Variants in TMCC1 observed in about 807,000 individuals in gnomAD.
TMCC1 encodes transmembrane and coiled-coil domains protein 1.
Under a neutral mutation model 52.4 loss-of-function variants are expected in TMCC1, and 15 were observed. That is an observed-to-expected ratio of 0.29 (90% CI 0.19 to 0.44). The LOEUF is 0.44. TMCC1 is among the 20% of genes least tolerant of loss of function. The probability of loss-of-function intolerance (pLI) is 1.00; values close to 1 mark genes in which losing one functional copy is unlikely to be tolerated. For missense variants in TMCC1, 503 were observed against 806.0 expected (o/e 0.62, Z 4.55); for synonymous variants, 279 against 301.9 (o/e 0.92, Z 0.79).
At chr3:129,789,305 T>C (rs1261602428) in intron 4 of TMCC1, among the ~76,000 whole-genome samples, 1 of 152,194 alleles carries the variant, frequency 6.6e-6, no homozygotes, top group East Asian at 1.9e-4. Context: ...CTAATTAACC[T>C]ACTCAAGATG....
At chr3:129,727,290 G>C (rs1180438774) in intron 4 of TMCC1, among the ~76,000 whole-genome samples, 2 of 152,088 alleles carry the variant, frequency 1.3e-5, no homozygotes, top group Non-Finnish European at 2.9e-5. Context: ...CTGTTTGACT[G>C]CATGATCAAT....
intron 4 of TMCC1, among the ~76,000 whole-genome samples, chr3:129,697,328 C>G (rs2047487251): frequency 6.6e-6 from 1 of 152,184 alleles, no homozygotes. Context: ...AAGCCATGGC[C>G]TGAACTGTAT....
intron 4 of TMCC1, among the ~76,000 whole-genome samples, chr3:129,782,221 A>C (rs2055592455): frequency 6.6e-6 from 1 of 152,188 alleles, no homozygotes. Context: ...GGTATTTAAC[A>C]CCAACAGACT....
intron 4 of TMCC1, among the ~76,000 whole-genome samples, chr3:129,722,493 T>G (rs926742000): frequency 1.3e-5 from 2 of 152,016 alleles, no homozygotes; most frequent in Non-Finnish European, 2.9e-5. Context: ...TAATCTACAC[T>G]CACTCACTCA....
intron 2 of TMCC1, among the ~76,000 whole-genome samples, chr3:129,833,100 A>G (rs2058994604): frequency 2.0e-5 from 3 of 152,238 alleles, no homozygotes; most frequent in Admixed American, 2.0e-4. Flanking sequence ...AAATATTTTA[A>G]GAAGCAATAA....
intron 4 of TMCC1, among the ~76,000 whole-genome samples, chr3:129,712,510 C>T (rs2048774734): frequency 2.6e-5 from 4 of 152,160 alleles, no homozygotes; most frequent in Admixed American, 2.6e-4. Flanking sequence ...TGCAGTGGCA[C>T]AATCACCACT....
At chr3:129,755,072 T>C (rs1463477105) in intron 4 of TMCC1, among the ~76,000 whole-genome samples, 3 of 151,992 alleles carry the variant, frequency 2.0e-5, no homozygotes, top group Admixed American at 2.0e-4. Flanking sequence ...AGTGAGACTC[T>C]GTCTAAAAAA....
At chr3:129,747,488 T>G (rs1238395066) in intron 4 of TMCC1, among the ~76,000 whole-genome samples, 1 of 152,356 alleles carries the variant, frequency 6.6e-6, no homozygotes, top group Admixed American at 6.5e-5. Flanking sequence ...ATTTTAAAAT[T>G]GAAACAACCA....
chr3:129,748,678 C>T (rs1028673228), intron 4 of TMCC1, among the ~76,000 whole-genome samples: 1 of 152,126 alleles, frequency 6.6e-6, no homozygotes, highest in African/African-American at 2.4e-5. Flanking sequence ...GTAGCTACTA[C>T]ATACCCAAGA....
At chr3:129,870,500 G>A (rs2060859295) in intron 2 of TMCC1, among the ~76,000 whole-genome samples, 1 of 151,760 alleles carries the variant, frequency 6.6e-6, no homozygotes, top group East Asian at 1.9e-4. Context: ...AGCACTTTGG[G>A]AGGCCGAGGC....
At chr3:129,661,783 C>A (rs2087046569) in intron 5 of TMCC1, among the ~76,000 whole-genome samples, 1 of 151,984 alleles carries the variant, frequency 6.6e-6, no homozygotes, top group South Asian at 2.1e-4. Flanking sequence ...GCCTGGGTGA[C>A]AGAGTAAGAC....
intron 4 of TMCC1, among the ~76,000 whole-genome samples, chr3:129,700,529 T>G (rs1282296521): frequency 6.6e-6 from 1 of 152,046 alleles, no homozygotes; most frequent in Non-Finnish European, 1.5e-5. Context: ...CAGGCTGGAG[T>G]GCAATGGTGC....
intron 2 of TMCC1, among the ~76,000 whole-genome samples, chr3:129,874,161 C>T (rs2061071521): frequency 6.6e-6 from 1 of 152,182 alleles, no homozygotes; most frequent in South Asian, 2.1e-4. Flanking sequence ...ATGGTTTCAA[C>T]ATCTGCATAT....
intron 1 of TMCC1, among the ~76,000 whole-genome samples, chr3:129,892,116 A>C (rs942275513): frequency 1.3e-5 from 2 of 152,152 alleles, no homozygotes; most frequent in Non-Finnish European, 2.9e-5. Flanking sequence ...ACCATACCAA[A>C]TCTTAATCAA....
chr3:129,794,081 C>T (rs2056651800), intron 4 of TMCC1, among the ~76,000 whole-genome samples: 1 of 152,220 alleles, frequency 6.6e-6, no homozygotes, highest in African/African-American at 2.4e-5. Context: ...GAGCAAACTA[C>T]AACTTTGCCC....
chr3:129,872,849 T>A (rs539226169), intron 2 of TMCC1, among the ~76,000 whole-genome samples: 88 of 152,286 alleles, frequency 5.8e-4, no homozygotes, highest in African/African-American at 4.8e-4. Context: ...TGGGGTTTTT[T>A]AAATTATTAC....
chr3:129,828,735 T>G lies in TMCC1; in HGVS notation c.-130-227A>C, dbSNP rs1046495773. ...AGCCCAGAACAAGTCCATAGGAAATTAAAACAGCAATGTTCAAAAGCAAAA... is the reference window on the plus strand; with the variant it reads ...AGCCCAGAACAAGTCCATAGGAAATGAAAACAGCAATGTTCAAAAGCAAAA... On this transcript the variant is annotated intron_variant, in intron 3 of 6. Transcript: ENST00000393238. This position sits in a 1 kb window ranked among gnomAD's most constrained non-coding sequence, Gnocchi z 4.1. 3.3e-5 allele frequency among the ~76,000 whole-genome samples: 5 copies of G among 152,144 alleles called. No homozygotes were observed. The highest frequency in any genetic ancestry group is 9.7e-5 in the African/African-American group (4 of 41,450).
chr3:129,688,551 A>G, intron 4 of TMCC1: 3 of 985,516 alleles, frequency 3.0e-6, no homozygotes, highest in South Asian at 4.7e-5. Flanking sequence ...CGCATAGCCA[A>G]TCCTCCGCAG....
intron 4 of TMCC1, among the ~76,000 whole-genome samples, chr3:129,799,024 T>G (rs547712598): frequency 6.6e-6 from 1 of 152,314 alleles, no homozygotes; most frequent in Non-Finnish European, 1.5e-5. Flanking sequence ...CCCATGCAAC[T>G]GCCAATATAA....
Sources: gnomAD v4.1 joint callset for allele counts (sites outside exome capture counted in the v4.1 genomes callset) on GRCh38, gnomAD v4.1.1 for gene constraint, Gnocchi (gnomAD v3.1) non-coding constraint, MANE v1.5 for transcripts, NCBI Gene and HGNC (gene_info 2026-07-23, HGNC 2026-07-21) for gene names.